CD274: variants seen among roughly 807,000 people sequenced by gnomAD.
CD274 encodes the protein programmed cell death 1 ligand 1.
A neutral mutation model predicts 30.1 loss-of-function variants in CD274; 8 were observed. That is an observed-to-expected ratio of 0.27 (90% CI 0.16 to 0.48). CD274 has a LOEUF of 0.48. Among genes scored for constraint, CD274 ranks in the 20% least tolerant of loss-of-function variants. CD274 has a pLI of 0.99. For missense variants in CD274, 353 were observed against 346.6 expected (o/e 1.02, Z -0.15); for synonymous variants, 152 against 124.6 (o/e 1.22, Z -1.46).
Position 5,466,802 on chromosome 9 carries a change from C to T in CD274, c.823C>T (p.Gln275Ter), listed in dbSNP as rs2131232984. ...RMMDVKKCGI[Q>*]DTNSKKQSDT... ...GATGGATGTGAAAAAATGTGGCATC[C>T]AAGATACAAACTCAAAGAAGCAAAG... The change falls in exon 6 of 7, where the codon CAA becomes TAA. Residue 275 changes from glutamine to a stop codon, truncating the protein, a stop_gained. Transcript: ENST00000381577. LOFTEE classifies it high-confidence loss of function. 2 of 1,609,086 alleles carry T rather than the reference C, an allele frequency of 1.2e-6. No homozygotes were observed. The highest frequency in any genetic ancestry group is 1.7e-6 in the Non-Finnish European group (2 of 1,177,846).
At chr9:5,455,498 C>A (rs932657356) in intron 1 of CD274, among the ~76,000 whole-genome samples, 1 of 152,122 alleles carries the variant, frequency 6.6e-6, no homozygotes, top group African/African-American at 2.4e-5. Flanking sequence ...TTCCCACTCC[C>A]CACTGTTAGT....
intron 4 of CD274, among the ~76,000 whole-genome samples, chr9:5,463,780 C>T (rs10122089): frequency 0.58 from 87,863 of 151,896 alleles, 26,323 homozygotes; most frequent in East Asian, 0.92. Context: ...ACTGAGCAAG[C>T]TTATTGTAAG....
intron 3 of CD274, among the ~76,000 whole-genome samples, chr9:5,461,280 T>C (rs538077922): frequency 2.3e-4 from 35 of 152,320 alleles, no homozygotes; most frequent in African/African-American, 8.4e-4. Flanking sequence ...TCTTCAGTCC[T>C]CAGTTTCTTT....
chr9:5,462,950 G>T lies in CD274; in HGVS notation c.511G>T (p.Asp171Tyr). 6.2e-7 allele frequency: 1 copy of T among 1,614,066 alleles called. No individual in the cohort carries two copies. The highest frequency in any genetic ancestry group is 1.1e-5 in the South Asian group (1 of 91,070). The change falls in exon 4 of 7, where the codon GAC becomes TAC. Residue 171 changes from aspartate to tyrosine, a missense_variant. Asp to Tyr is a radical substitution (Grantham distance 160, BLOSUM62 -3). Transcript: ENST00000381577. ...PKAEVIWTSS[D>Y]HQVLSGKTTT... ...GGCCGAAGTCATCTGGACAAGCAGT[G>T]ACCATCAAGTCCTGAGTGGTAAGAC... is the stretch of plus-strand genomic sequence containing the variant.
At position 5,457,105 on chromosome 9, in the gene CD274, C is replaced by A. The variant is rs1383983432; in HGVS notation, c.79C>A (p.Leu27Ile). 2 of 1,612,658 alleles carry A rather than the reference C, an allele frequency of 1.2e-6. No individual in the cohort carries two copies. Among genetic ancestry groups the A allele is most frequent in the Middle Eastern group, 1.7e-4 (1 of 6,056 alleles). ...NAFTVTVPKD[L>I]YVVEYGSNMT... Reference sequence around the variant, plus strand: ...ATTTACTGTCACGGTTCCCAAGGACCTATATGTGGTAGAGTATGGTAGCAA... The same window carrying A: ...ATTTACTGTCACGGTTCCCAAGGACATATATGTGGTAGAGTATGGTAGCAA... The change falls in exon 3 of 7, where the codon CTA becomes ATA. Residue 27 changes from leucine to isoleucine, a missense_variant. Leu to Ile is a conservative substitution (Grantham distance 5). Coordinates refer to ENST00000381577, the MANE Select transcript of CD274 (RefSeq NM_014143.4).
At chr9:5,464,904 T>G (rs1819470328) in intron 4 of CD274, among the ~76,000 whole-genome samples, 1 of 152,068 alleles carries the variant, frequency 6.6e-6, no homozygotes, top group African/African-American at 2.4e-5. Context: ...CTGGCCAACA[T>G]GGTGAAACTC....
At chr9:5,463,634 C>G (rs1004819819) in intron 4 of CD274, among the ~76,000 whole-genome samples, 1 of 152,176 alleles carries the variant, frequency 6.6e-6, no homozygotes, top group Non-Finnish European at 1.5e-5. Context: ...ACCCTTTCTC[C>G]CCGGTGCCTC....
intron 1 of CD274, among the ~76,000 whole-genome samples, chr9:5,455,797 AT>A (rs1230486931): frequency 6.6e-6 from 1 of 152,094 alleles, no homozygotes; most frequent in Non-Finnish European, 1.5e-5. Flanking sequence ...ATTGAGAGGA[AT>A]TTGGTGCAAT....
At chr9:5,456,852 T>A (rs973052829) in intron 2 of CD274, among the ~76,000 whole-genome samples, 1 of 152,192 alleles carries the variant, frequency 6.6e-6, no homozygotes, top group East Asian at 1.9e-4. Context: ...GGGGGCAACT[T>A]GTTTAGCTAA....
At position 5,465,596 on chromosome 9, in the gene CD274, T is replaced by C. The variant is rs754751977; in HGVS notation, c.780T>C (p.Arg260=). ...CLGVALTFIF[R]LRKGRMMDVK... ...GTGTAGCACTGACATTCATCTTCCG[T>C]TTAAGAAAAGGTAGTATTTCCTTAA... The change falls in exon 5 of 7, where the codon CGT becomes CGC. Residue 260 remains arginine, a synonymous_variant. Transcript: ENST00000381577. The C allele has an allele frequency of 1.3e-6, 2 of 1,588,686 alleles. No homozygotes were observed. The highest frequency in any genetic ancestry group is 3.3e-5 in the Admixed American group (2 of 59,940).
At chr9:5,460,920 A>G (rs1000804828) in intron 3 of CD274, among the ~76,000 whole-genome samples, 2 of 152,196 alleles carry the variant, frequency 1.3e-5, no homozygotes, top group African/African-American at 4.8e-5. Context: ...GTTTTTGAAG[A>G]GCAAAAAAAG....
At chr9:5,452,353 C>A (rs2131203213) in intron 1 of CD274, among the ~76,000 whole-genome samples, 1 of 152,296 alleles carries the variant, frequency 6.6e-6, no homozygotes, top group South Asian at 2.1e-4. Context: ...CCTACCCATC[C>A]TACCCTTGGA....
At chr9:5,461,641 A>G (rs10123444) in intron 3 of CD274, among the ~76,000 whole-genome samples, 84,722 of 151,830 alleles carry the variant, frequency 0.56, 24,127 homozygotes, top group East Asian at 0.87. Context: ...ATAGTATTAG[A>G]AGTAAAAAAA....
In CD274 at chr9:5,463,000, G is replaced by C. The variant is rs1347840317; in HGVS notation, c.561G>C (p.Glu187Asp). 6.2e-7 allele frequency: 1 copy of C among 1,614,054 alleles called. No homozygotes were observed. Residue 187 changes from glutamate (E) to aspartate (D), a missense_variant, in exon 4 of 7, where the codon GAG (glutamate) becomes GAC (aspartate). Physicochemically the swap from Glu to Asp is conservative, Grantham distance 45. Coordinates refer to ENST00000381577, the MANE Select transcript of CD274 (RefSeq NM_014143.4). ...CCACCACCACCAATTCCAAGAGAGA[G>C]GAGAAGCTTTTCAATGTGACCAGCA... Reference protein sequence around the residue: ...GKTTTTNSKREEKLFNVTSTL... With the variant: ...GKTTTTNSKRDEKLFNVTSTL...
chr9:5,466,274 T>G (rs1819496508), intron 5 of CD274, among the ~76,000 whole-genome samples: 1 of 152,136 alleles, frequency 6.6e-6, no homozygotes, highest in African/African-American at 2.4e-5. Flanking sequence ...CCATAACCCC[T>G]TACATGGGGG....
At chr9:5,460,909 C>T (rs1356402412) in intron 3 of CD274, among the ~76,000 whole-genome samples, 3 of 152,082 alleles carry the variant, frequency 2.0e-5, no homozygotes, top group Non-Finnish European at 4.4e-5. Context: ...AAGAAACTGC[C>T]GTTTTTGAAG....
chr9:5,459,042 G>A (rs1213968882), intron 3 of CD274, among the ~76,000 whole-genome samples: 5 of 151,922 alleles, frequency 3.3e-5, no homozygotes, highest in Non-Finnish European at 7.4e-5. Context: ...GTAGGGAAGG[G>A]ACAGCTGTCC....
chr9:5,451,960 C>T (rs377438073), intron 1 of CD274, among the ~76,000 whole-genome samples: 2 of 151,362 alleles, frequency 1.3e-5, no homozygotes, highest in African/African-American at 2.4e-5. Flanking sequence ...GGATTACTGG[C>T]GGGAGCCACC....
chr9:5,463,038 A>G lies in CD274; in HGVS notation c.599A>G (p.Asn200Ser), dbSNP rs1819434403. 1 of 1,613,868 alleles carries G rather than the reference A, an allele frequency of 6.2e-7. No homozygotes were observed. ...AATGTGACCAGCACACTGAGAATCAACACAACAACTAATGAGATTTTCTAC... is the reference window on the plus strand; with the variant it reads ...AATGTGACCAGCACACTGAGAATCAGCACAACAACTAATGAGATTTTCTAC... ...LFNVTSTLRINTTTNEIFYCT... is the reference protein window; with the variant it reads ...LFNVTSTLRISTTTNEIFYCT... The change falls in exon 4 of 7, where the codon AAC becomes AGC. Residue 200 changes from asparagine (N) to serine (S), a missense_variant. By Grantham distance (46) the Asn-to-Ser change is conservative (BLOSUM62 1). Transcript: ENST00000381577.
Sources: gnomAD v4.1 joint callset for allele counts (sites outside exome capture counted in the v4.1 genomes callset) on GRCh38, gnomAD v4.1.1 for gene constraint, MANE v1.5 for transcripts, NCBI Gene and HGNC (gene_info 2026-07-23, HGNC 2026-07-21) for gene names.